The following FAM135A variants were observed in gnomAD, a reference collection of about 807,000 sequenced individuals.
The protein encoded by FAM135A is protein FAM135A.
FAM135A carries 79 observed loss-of-function variants against 146.8 expected under a neutral mutation model. That is an observed-to-expected ratio of 0.54 (90% CI 0.45 to 0.65). The LOEUF is 0.65. FAM135A is among the 30% of genes least tolerant of loss of function. FAM135A has a pLI of 0.00. For missense variants in FAM135A, 1,623 were observed against 1,758.2 expected (o/e 0.92, Z 1.38); for synonymous variants, 562 against 603.6 (o/e 0.93, Z 1.01).
chr6:70,492,204 G>C (rs895833825), intron 11 of FAM135A, among the ~76,000 whole-genome samples: 2 of 151,766 alleles, frequency 1.3e-5, no homozygotes, highest in South Asian at 2.1e-4. Flanking sequence ...AGACAAGTCA[G>C]AGGAATTAAA....
intron 12 of FAM135A, among the ~76,000 whole-genome samples, chr6:70,520,893 A>G (rs1001158800): frequency 6.6e-6 from 1 of 152,204 alleles, no homozygotes; most frequent in African/African-American, 2.4e-5. Context: ...TGCATACAAG[A>G]AAGATTTCTG....
intron 4 of FAM135A, among the ~76,000 whole-genome samples, chr6:70,440,441 C>G (rs957923229): frequency 6.6e-6 from 1 of 152,146 alleles, no homozygotes; most frequent in Admixed American, 6.5e-5. Flanking sequence ...AATCCCAGCA[C>G]TTTGAGAGGC....
chr6:70,541,890 T>C (rs1224703539), intron 20 of FAM135A, among the ~76,000 whole-genome samples: 1 of 152,218 alleles, frequency 6.6e-6, no homozygotes, highest in East Asian at 1.9e-4. Context: ...TTATACCCCA[T>C]ATCTACAGAA....
At chr6:70,538,433 C>A in intron 20 of FAM135A, 32 bp downstream of exon 20, 1 of 1,219,858 alleles carries the variant, frequency 8.2e-7, no homozygotes, top group Non-Finnish European at 1.1e-6. Flanking sequence ...GGAAAATATA[C>A]ATGTGAAAAC....
At position 70,528,325 on chromosome 6, in the gene FAM135A, A is replaced by G. The variant is rs1038768222; in HGVS notation, c.3648A>G (p.Leu1216=). The part of the protein sequence containing the change: ...FLQAKEELKL[L]KLPGFMYSEV... ...AGGCAAAAGAAGAACTGAAGCTACT[A>G]AAACTTCCTGGGTTCATGTACAGTG... The change falls in exon 16 of 22, where the codon CTA becomes CTG. Residue 1216 remains leucine (L), a synonymous_variant. Transcript: ENST00000418814. The G allele has an allele frequency of 3.7e-6, 6 of 1,611,554 alleles. No homozygotes were observed. Among genetic ancestry groups the G allele is most frequent in the Non-Finnish European group, 5.1e-6 (6 of 1,179,276 alleles).
chr6:70,422,514 G>A (rs1302218480), intron 2 of FAM135A, among the ~76,000 whole-genome samples: 1 of 152,124 alleles, frequency 6.6e-6, no homozygotes, highest in Non-Finnish European at 1.5e-5. Context: ...TTTCTATTTA[G>A]GGGATAATCA....
At chr6:70,549,558 T>C (rs909193049) in intron 20 of FAM135A, among the ~76,000 whole-genome samples, 1 of 152,106 alleles carries the variant, frequency 6.6e-6, no homozygotes, top group Non-Finnish European at 1.5e-5. Flanking sequence ...CCAGGGCATA[T>C]AAAAGTTATA....
chr6:70,545,740 C>T (rs897943198), intron 20 of FAM135A, among the ~76,000 whole-genome samples: 11 of 152,124 alleles, frequency 7.2e-5, no homozygotes, highest in African/African-American at 2.7e-4. Context: ...GTGATTTAAA[C>T]ACATACATAT....
chr6:70,493,248 A>T (rs1786453633), intron 11 of FAM135A, among the ~76,000 whole-genome samples: 1 of 152,094 alleles, frequency 6.6e-6, no homozygotes, highest in Non-Finnish European at 1.5e-5. Flanking sequence ...AAAACTAAAA[A>T]GCTGTTTGTG....
chr6:70,474,961 A>G (rs1782337478), intron 5 of FAM135A, among the ~76,000 whole-genome samples: 1 of 152,152 alleles, frequency 6.6e-6, no homozygotes, highest in Non-Finnish European at 1.5e-5. Context: ...AGCATAAACT[A>G]GGGGCCACCA....
At chr6:70,533,394 G>A (rs1389081007) in intron 17 of FAM135A, 143 bp downstream of exon 17, 2 of 605,728 alleles carry the variant, frequency 3.3e-6, no homozygotes, top group African/African-American at 3.7e-5. Flanking sequence ...ATATCCAAAG[G>A]AAATATATAT....
In FAM135A at chr6:70,481,995, G is replaced by T. The variant is rs1156233222; in HGVS notation, c.670-6G>T. The T allele has an allele frequency of 3.1e-6, 5 of 1,604,178 alleles. No individual in the cohort carries two copies. Among genetic ancestry groups the T allele is most frequent in the Admixed American group, 3.4e-5 (2 of 58,344 alleles). ...ACTCTGTATCCTACATCTGTTTTTT[G>T]TTTAGGGTTGTAGCTTCATCATTGC... On this transcript the variant is annotated splice_region_variant and splice_polypyrimidine_tract_variant and intron_variant, in intron 9 of 21. Coordinates refer to ENST00000418814, the MANE Select transcript of FAM135A (RefSeq NM_001162529.3).
chr6:70,524,211 AAT>A, intron 14 of FAM135A, 90 bp downstream of exon 14: 3 of 1,405,354 alleles, frequency 2.1e-6, no homozygotes, highest in Non-Finnish European at 2.9e-6. Context: ...CCTAATGTGG[AAT>A]AGTTTTTTTC....
At chr6:70,541,527 C>A (rs1394698827) in intron 20 of FAM135A, among the ~76,000 whole-genome samples, 1 of 152,008 alleles carries the variant, frequency 6.6e-6, no homozygotes, top group East Asian at 1.9e-4. Flanking sequence ...ATATGGGTTT[C>A]TTTTCTTTCC....
At chr6:70,517,302 G>A (rs1792490276) in intron 12 of FAM135A, among the ~76,000 whole-genome samples, 1 of 152,062 alleles carries the variant, frequency 6.6e-6, no homozygotes, top group Non-Finnish European at 1.5e-5. Context: ...AGGCTGAGGT[G>A]AGTGGATCAC....
chr6:70,532,756 C>A (rs980350881), intron 16 of FAM135A, among the ~76,000 whole-genome samples: 4 of 152,104 alleles, frequency 2.6e-5, no homozygotes, highest in Non-Finnish European at 4.4e-5. Flanking sequence ...CACGGTGAAA[C>A]CCCATCTCTA....
intron 16 of FAM135A, 137 bp from the exon 17 acceptor site, chr6:70,533,023 T>C: frequency 1.5e-6 from 1 of 675,634 alleles, no homozygotes; most frequent in Non-Finnish European, 2.6e-6. Flanking sequence ...AATTGAGAAC[T>C]CTATTTCATT....
Position 70,477,291 on chromosome 6 carries a change from A to G in FAM135A, c.501A>G (p.Thr167=). Residue 167 remains threonine, a synonymous_variant, in exon 8 of 22, where the codon ACA becomes ACG. Coordinates refer to ENST00000418814, the MANE Select transcript of FAM135A (RefSeq NM_001162529.3). ...TCCACCTTTCTGTTGTGTCTGTTAC[A>G]GTTCATGCATCATTGGTTGCACTAC... ...DYFHLSVVSV[T]VHASLVALHQ... is the part of the protein sequence containing the mutation. 1.2e-6 allele frequency: 2 copies of G among 1,613,390 alleles called. No individual in the cohort carries two copies. The highest frequency in any genetic ancestry group is 1.7e-6 in the Non-Finnish European group (2 of 1,179,618).
intron 12 of FAM135A, chr6:70,505,093 CATACAT>C (rs765543945): frequency 2.0e-5 from 3 of 147,920 alleles, no homozygotes; most frequent in Non-Finnish European, 4.5e-5. Flanking sequence ...TATATATATG[CATACAT>C]ATATACTTAC....
Sources: allele counts gnomAD v4.1 joint callset (sites outside exome capture counted in the v4.1 genomes callset), GRCh38; gene constraint gnomAD v4.1.1; transcripts MANE v1.5; gene names NCBI Gene and HGNC (gene_info 2026-07-23, HGNC 2026-07-21).